ZBTB2: variants seen among roughly 807,000 people sequenced by gnomAD.
ZBTB2 encodes zinc finger and BTB domain-containing protein 2.
In ZBTB2, 2 loss-of-function variants were observed where a neutral mutation model predicts 39.5. The ratio of observed to expected loss-of-function variants is 0.05; its 90% CI spans 0.02 to 0.16. The LOEUF is 0.16. Among genes scored for constraint, ZBTB2 ranks in the 10% least tolerant of loss-of-function variants. The probability of loss-of-function intolerance (pLI) is 1.00; values close to 1 mark genes in which losing one functional copy is unlikely to be tolerated. For synonymous variants in ZBTB2, 251 were observed against 256.6 expected, an observed-to-expected ratio of 0.98 and a Z score of 0.21; for missense variants, 391 against 653.0, an observed-to-expected ratio of 0.60 and a Z score of 4.37.
chr6:151,369,961 A>G, intron 2 of ZBTB2: 1 of 252,030 alleles, frequency 4.0e-6, no homozygotes, highest in Middle Eastern at 1.8e-3. Flanking sequence ...AAAGTTCCTT[A>G]ATGTACATTT....
At chr6:151,390,670 A>T (rs1779273599) in intron 1 of ZBTB2, among the ~76,000 whole-genome samples, 1 of 151,488 alleles carries the variant, frequency 6.6e-6, no homozygotes, top group South Asian at 2.1e-4. Context: ...GCGGAGCCGC[A>T]GCAGTAGCGG....
intron 1 of ZBTB2, among the ~76,000 whole-genome samples, chr6:151,386,924 GA>G (rs1214744236): frequency 6.6e-6 from 1 of 152,108 alleles, no homozygotes; most frequent in Non-Finnish European, 1.5e-5. Flanking sequence ...ACATTTTTAT[GA>G]AAAAATAATT....
At chr6:151,370,832 C>G (rs983352219) in intron 2 of ZBTB2, among the ~76,000 whole-genome samples, 3 of 152,218 alleles carry the variant, frequency 2.0e-5, no homozygotes, top group Admixed American at 1.3e-4. Context: ...GAATTCTGCA[C>G]TAGGAGGCAG....
At position 151,366,832 on chromosome 6, in the gene ZBTB2, G is replaced by A. The variant is rs1582912813; in HGVS notation, c.234C>T (p.His78=). 6.8e-6 allele frequency: 11 copies of A among 1,614,078 alleles called. No individual in the cohort carries two copies. The highest frequency in any genetic ancestry group is 9.3e-6 in the Non-Finnish European group (11 of 1,179,998). ...IQPDIFSYLL[H]LMYTGKMAPQ... is the part of the protein sequence containing the mutation. ...GCGCCATCTTCCCAGTGTACATCAA[G>A]TGTAAGAGATAGCTGAAGATGTCGG... Residue 78 remains histidine, a synonymous_variant, in exon 3 of 3, where the codon CAC becomes CAT. Transcript: ENST00000325144. This position sits in a 1 kb window ranked among gnomAD's most constrained non-coding sequence, Gnocchi z 7.1.
intron 1 of ZBTB2, among the ~76,000 whole-genome samples, chr6:151,390,628 C>A (rs955390866): frequency 6.6e-6 from 1 of 150,646 alleles, no homozygotes; most frequent in African/African-American, 2.4e-5. Flanking sequence ...AGGCCGGAAG[C>A]GCGCGTGCGC....
Position 151,366,951 on chromosome 6 carries a change from G to A in ZBTB2, c.174-59C>T, listed in dbSNP as rs1412438767. The A allele has an allele frequency of 6.0e-6, 9 of 1,494,490 alleles. No individual in the cohort carries two copies. Among genetic ancestry groups the A allele is most frequent in the Non-Finnish European group, 8.0e-6 (9 of 1,121,240 alleles). The allele number at this position is 1,494,490 out of a possible 1,614,324, so 92.6% of individuals were successfully genotyped here. On this transcript the variant is annotated intron_variant, in intron 2 of 2. Coordinates refer to ENST00000325144, the MANE Select transcript of ZBTB2 (RefSeq NM_020861.3). This position sits in a 1 kb window ranked among gnomAD's most constrained non-coding sequence, Gnocchi z 7.1. ...ATGCCAGTCTAGGTGTTAACATAAAGCCTGAAGAAAAAAATGAATGCTTAA... is the reference window on the plus strand; with the variant it reads ...ATGCCAGTCTAGGTGTTAACATAAAACCTGAAGAAAAAAATGAATGCTTAA...
intron 1 of ZBTB2, among the ~76,000 whole-genome samples, chr6:151,388,559 T>G (rs1187192376): frequency 6.6e-6 from 1 of 152,236 alleles, no homozygotes; most frequent in Admixed American, 6.5e-5. Flanking sequence ...AATAGAGATG[T>G]GGGATCTATG....
intron 1 of ZBTB2, among the ~76,000 whole-genome samples, chr6:151,377,384 T>G (rs1452197288): frequency 6.6e-6 from 1 of 151,284 alleles, no homozygotes; most frequent in Non-Finnish European, 1.5e-5. Context: ...TTTTTTTTTT[T>G]TGAGACAGAG....
intron 1 of ZBTB2, among the ~76,000 whole-genome samples, chr6:151,380,895 A>G (rs1779019986): frequency 6.6e-6 from 1 of 152,000 alleles, no homozygotes; most frequent in African/African-American, 2.4e-5. Context: ...AACTCAACTC[A>G]ATACCTCCCT....
chr6:151,368,845 T>A (rs934701714), intron 2 of ZBTB2, among the ~76,000 whole-genome samples: 1 of 150,880 alleles, frequency 6.6e-6, no homozygotes, highest in African/African-American at 2.4e-5. Context: ...CTCACTGCAA[T>A]CTCCGCCTCC....
At chr6:151,381,215 T>G (rs1779028573) in intron 1 of ZBTB2, among the ~76,000 whole-genome samples, 1 of 152,122 alleles carries the variant, frequency 6.6e-6, no homozygotes, top group East Asian at 1.9e-4. Context: ...AAACCTGATG[T>G]CACCTGCTTA....
At chr6:151,371,526 A>C (rs1243168668) in intron 2 of ZBTB2, among the ~76,000 whole-genome samples, 2 of 152,146 alleles carry the variant, frequency 1.3e-5, no homozygotes, top group Non-Finnish European at 2.9e-5. Flanking sequence ...AATGCGGTCC[A>C]GGTGAGCTGA....
rs200070063 is a variant in ZBTB2, at chr6:151,373,843, TAAAAAAAAAA to T, written c.-12-204_-12-195del. The stretch of plus-strand genomic sequence containing the variant: ...TGAAGTAGTTATGTCATTATGCCTT[TAAAAAAAAAA>T]AAAAAAAAAAAAAAAAAAAAAAAAC... On this transcript the variant is annotated intron_variant, in intron 1 of 2. Transcript: ENST00000325144. 5.3e-3 allele frequency among the ~76,000 whole-genome samples: 244 copies of T among 45,996 alleles called. 5 individuals are homozygous for T. The South Asian group carries it at 0.087, about 16-fold the overall frequency. The allele number at this position is 45,996 out of a possible 152,430, so 30.2% of individuals were successfully genotyped here. A position where few individuals can be genotyped will look rare whatever the true frequency, so the allele number is the denominator to read the frequency against.
intron 1 of ZBTB2, among the ~76,000 whole-genome samples, chr6:151,382,540 C>T (rs867469773): frequency 1.1e-4 from 17 of 148,620 alleles, no homozygotes; most frequent in Admixed American, 3.4e-4. Flanking sequence ...CAGGCATGAG[C>T]CACTGCGCCT....
In ZBTB2 at chr6:151,364,342, T is replaced by C. The variant is rs1366045964; in HGVS notation, c.*1179A>G. Reference sequence around the variant, plus strand: ...CTAACGGAAGATTAATGAACAATTTTTACTGCTTTCGGGCCAATGGAGAAA... The same window carrying C: ...CTAACGGAAGATTAATGAACAATTTCTACTGCTTTCGGGCCAATGGAGAAA... On this transcript the variant is annotated 3_prime_UTR_variant, in exon 3 of 3. Coordinates refer to ENST00000325144, the MANE Select transcript of ZBTB2 (RefSeq NM_020861.3). 1 of 152,588 alleles carries C rather than the reference T, an allele frequency of 6.6e-6. No individual in the cohort carries two copies. The highest frequency in any genetic ancestry group is 1.5e-5 in the Non-Finnish European group (1 of 68,030). The allele number at this position is 152,588 out of a possible 1,614,324, so 9.5% of individuals were successfully genotyped here. A position where few individuals can be genotyped will look rare whatever the true frequency, so the allele number is the denominator to read the frequency against.
At chr6:151,377,937 CAAT>C (rs1778953626) in intron 1 of ZBTB2, 1 of 152,044 alleles carries the variant, frequency 6.6e-6, no homozygotes, top group Non-Finnish European at 1.5e-5. Flanking sequence ...AATGCACTAT[CAAT>C]AAGCTTTAAA....
chr6:151,378,425 G>A (rs1244469934), intron 1 of ZBTB2, among the ~76,000 whole-genome samples: 2 of 152,140 alleles, frequency 1.3e-5, no homozygotes, highest in Non-Finnish European at 2.9e-5. Flanking sequence ...TGCCAGAGAA[G>A]GTGAAAGCAC....
rs548099483 is a variant in ZBTB2, at chr6:151,375,969, GCAGAGGGA to G, written c.-12-2328_-12-2321del. Among the ~76,000 whole-genome samples, 786 of 152,266 alleles carry G rather than the reference GCAGAGGGA, an allele frequency of 5.2e-3. 1 individual carries two copies. Among genetic ancestry groups the G allele is most frequent in the Non-Finnish European group, 8.7e-3 (594 of 68,018 alleles). ...TAGTATTCAAGACTGTGTGGTATTG[GCAGAGGGA>G]CAGAGAAGTGAATTAATAGAACAAA... On this transcript the variant is annotated intron_variant, in intron 1 of 2. Transcript: ENST00000325144.
intron 1 of ZBTB2, among the ~76,000 whole-genome samples, chr6:151,375,926 A>C (rs946143647): frequency 5.3e-5 from 8 of 152,222 alleles, no homozygotes; most frequent in Non-Finnish European, 1.2e-4. Context: ...CCCAATTTCA[A>C]GATGTAGTAC....
Sources: gnomAD v4.1 joint callset for allele counts (sites outside exome capture counted in the v4.1 genomes callset) on GRCh38, gnomAD v4.1.1 for gene constraint, Gnocchi (gnomAD v3.1) non-coding constraint, MANE v1.5 for transcripts, NCBI Gene and HGNC (gene_info 2026-07-23, HGNC 2026-07-21) for gene names.